The following CDK2AP1 variants were observed in gnomAD, a reference collection of about 807,000 sequenced individuals.
The protein encoded by CDK2AP1 is cyclin dependent kinase 2 associated protein 1.
CDK2AP1 carries 10 observed loss-of-function variants against 14.1 expected under a neutral mutation model. The observed-to-expected ratio is 0.71, with a 90% CI of 0.44 to 1.20. CDK2AP1 has a LOEUF of 1.20. CDK2AP1 is among the 50% of genes most tolerant of loss of function. CDK2AP1 has a pLI of 0.00. For synonymous variants in CDK2AP1, 59 were observed against 59.8 expected, an observed-to-expected ratio of 0.99 and a Z score of 0.06; for missense variants, 102 against 149.9, an observed-to-expected ratio of 0.68 and a Z score of 1.67.
chr12:123,265,324 T>C lies in CDK2AP1; in HGVS notation c.154-2A>G. The C allele has an allele frequency of 6.2e-7, 1 of 1,613,970 alleles. No individual in the cohort carries two copies. Among genetic ancestry groups the C allele is most frequent in the Non-Finnish European group, 8.5e-7 (1 of 1,179,948 alleles). ...GGGCACCTGGCTGTTCCCAGTTCCC[T>C]AGAATCAGAAAGAAATGGGTTCAGC... On this transcript the variant is annotated splice_acceptor_variant, in intron 2 of 3. Transcript: ENST00000261692. LOFTEE classifies it high-confidence loss of function. This position sits in a 1 kb window ranked among gnomAD's most constrained non-coding sequence, Gnocchi z 5.3.
intron 1 of CDK2AP1, chr12:123,270,274 GC>G: frequency 1.3e-6 from 1 of 745,202 alleles, no homozygotes; most frequent in Non-Finnish European, 1.6e-6. Context: ...GGGACTCCGA[GC>G]CCACAAGTGA....
At chr12:123,266,318 G>A (rs887474207) in intron 2 of CDK2AP1, among the ~76,000 whole-genome samples, 6 of 152,234 alleles carry the variant, frequency 3.9e-5, no homozygotes, top group South Asian at 2.1e-4. Flanking sequence ...GCCAACTCCC[G>A]GCTGCCCCTC....
chr12:123,269,656 C>G (rs1048198654), intron 1 of CDK2AP1, among the ~76,000 whole-genome samples: 9 of 152,130 alleles, frequency 5.9e-5, no homozygotes, highest in African/African-American at 2.2e-4. Flanking sequence ...GGCGGCCTTC[C>G]CGCCACTTGG....
intron 1 of CDK2AP1, among the ~76,000 whole-genome samples, chr12:123,271,311 G>A (rs1164087296): frequency 4.8e-5 from 7 of 146,718 alleles, no homozygotes; most frequent in Non-Finnish European, 4.6e-5. Context: ...GCGATCCGCA[G>A]CCGCCGGCGC....
At chr12:123,269,632 G>A (rs2048335131) in intron 1 of CDK2AP1, among the ~76,000 whole-genome samples, 1 of 152,152 alleles carries the variant, frequency 6.6e-6, no homozygotes, top group African/African-American at 2.4e-5. Context: ...AAAGAGCGCG[G>A]GGCCTGGGGA....
chr12:123,266,171 CCT>C (rs999261106), intron 2 of CDK2AP1, among the ~76,000 whole-genome samples: 8 of 152,254 alleles, frequency 5.3e-5, no homozygotes, highest in Admixed American at 4.6e-4. Context: ...TCCACCACCG[CCT>C]CTGTCCCCTG....
chr12:123,262,588 T>A (rs536023641), intron 3 of CDK2AP1, among the ~76,000 whole-genome samples: 5 of 152,282 alleles, frequency 3.3e-5, no homozygotes. Context: ...CACTCAAATT[T>A]TTTTTGAGAC....
chr12:123,268,251 T>C, intron 1 of CDK2AP1: 2 of 985,482 alleles, frequency 2.0e-6, no homozygotes, highest in Non-Finnish European at 1.2e-6. Flanking sequence ...CGCCGCAGAC[T>C]TGGCCTCGGG....
At chr12:123,266,034 A>T (rs2048287037) in intron 2 of CDK2AP1, among the ~76,000 whole-genome samples, 1 of 152,034 alleles carries the variant, frequency 6.6e-6, no homozygotes. Flanking sequence ...AAGCACCCGG[A>T]TCAGCGAGGC....
rs1403806548 is a variant in CDK2AP1, at chr12:123,269,503, C to T, written c.55+2061G>A. ...CACAGGGACCAGGACACAGGGACCA[C>T]GTCAGCGAAGGCCGTCTCGGCGCAT... On this transcript the variant is annotated intron_variant, in intron 1 of 3. Transcript: ENST00000261692. 1.3e-5 allele frequency among the ~76,000 whole-genome samples: 2 copies of T among 152,362 alleles called. 1 individual carries two copies. Among genetic ancestry groups the T allele is most frequent in the South Asian group, 4.1e-4 (2 of 4,834 alleles).
intron 1 of CDK2AP1, chr12:123,268,023 G>A (rs890484221): frequency 2.7e-5 from 6 of 220,964 alleles, no homozygotes; most frequent in Non-Finnish European, 4.6e-5. Flanking sequence ...TGACCAAGCA[G>A]GGCCCAGCCC....
At chr12:123,268,484 C>A (rs1566005330) in intron 1 of CDK2AP1, among the ~76,000 whole-genome samples, 2 of 152,382 alleles carry the variant, frequency 1.3e-5, no homozygotes, top group African/African-American at 4.8e-5. Flanking sequence ...GCCAGCTACC[C>A]CGGCACCTGC....
Position 123,266,257 on chromosome 12 carries a change from G to A in CDK2AP1, c.153+928C>T, listed in dbSNP as rs567384680. Among the ~76,000 whole-genome samples the A allele has an allele frequency of 3.2e-4, 49 of 152,308 alleles. No homozygotes were observed. In the South Asian group the frequency reaches 9.5e-3, roughly 30 times the overall value. The stretch of plus-strand genomic sequence containing the variant: ...CCACGGCACTGCCTCCAGGCCTCAC[G>A]GGCCTCCCGCCTGTCCTGGCGCCGC... On this transcript the variant is annotated intron_variant, in intron 2 of 3. Transcript: ENST00000261692.
chr12:123,268,608 G>A (rs149260524), intron 1 of CDK2AP1, among the ~76,000 whole-genome samples: 26 of 152,346 alleles, frequency 1.7e-4, no homozygotes, highest in Non-Finnish European at 2.6e-4. Context: ...AACTGCAAAC[G>A]TGGACTTGGA....
At position 123,271,706 on chromosome 12, in the gene CDK2AP1, G is replaced by C. The variant is rs1267748785; in HGVS notation, c.-88C>G. 1 of 396,862 alleles carries C rather than the reference G, an allele frequency of 2.5e-6. No individual in the cohort carries two copies. Among genetic ancestry groups the C allele is most frequent in the Admixed American group, 6.7e-5 (1 of 14,952 alleles). The allele number at this position is 396,862 out of a possible 1,614,324, so 24.6% of individuals were successfully genotyped here. ...GGCGAGGCCGGGCGGTAGCGCTGCA[G>C]CCCCGCGCCCGTCCGAGCGCCCGCC... On this transcript the variant is annotated 5_prime_UTR_variant, in exon 1 of 4. Transcript: ENST00000261692.
chr12:123,264,165 C>T (rs2048262835), intron 3 of CDK2AP1, among the ~76,000 whole-genome samples: 1 of 149,010 alleles, frequency 6.7e-6, no homozygotes, highest in South Asian at 2.1e-4. Context: ...TTTTTAAGAA[C>T]CCCAAGTCCC....
chr12:123,269,716 C>T (rs959645882), intron 1 of CDK2AP1, among the ~76,000 whole-genome samples: 15 of 152,260 alleles, frequency 9.9e-5, no homozygotes, highest in African/African-American at 3.6e-4. Flanking sequence ...TGTCTAACTC[C>T]GCCACTGCCA....
intron 1 of CDK2AP1, chr12:123,268,244 C>T (rs1429838471): frequency 5.1e-6 from 5 of 985,440 alleles, no homozygotes; most frequent in Non-Finnish European, 4.8e-6. Flanking sequence ...CAGTGGGCGC[C>T]GCAGACTTGG....
chr12:123,269,580 A>G (rs2048334367), intron 1 of CDK2AP1, among the ~76,000 whole-genome samples: 1 of 152,128 alleles, frequency 6.6e-6, no homozygotes, highest in South Asian at 2.1e-4. Flanking sequence ...GAGGCCAGGA[A>G]GCTCCTGGGG....
Sources: allele counts gnomAD v4.1 joint callset (sites outside exome capture counted in the v4.1 genomes callset), GRCh38; gene constraint gnomAD v4.1.1; non-coding constraint Gnocchi (gnomAD v3.1); transcripts MANE v1.5; gene names NCBI Gene and HGNC (gene_info 2026-07-23, HGNC 2026-07-21).